PRPF40B: variants seen among roughly 807,000 people sequenced by gnomAD.
PRPF40B encodes pre-mRNA processing factor 40B.
In PRPF40B, 56 loss-of-function variants were observed where a neutral mutation model predicts 124.5. That is an observed-to-expected ratio of 0.45 (90% CI 0.36 to 0.56). The LOEUF (loss-of-function observed/expected upper bound fraction) is 0.56. Among genes scored for constraint, PRPF40B ranks in the 20% least tolerant of loss-of-function variants. The probability of loss-of-function intolerance (pLI) is 0.00; values close to 1 mark genes in which losing one functional copy is unlikely to be tolerated. For synonymous variants in PRPF40B, 443 were observed against 426.4 expected, an observed-to-expected ratio of 1.04 and a Z score of -0.48; for missense variants, 1,053 against 1,169.5, an observed-to-expected ratio of 0.90 and a Z score of 1.45.
chr12:49,641,647 G>GA (rs1386123287), intron 18 of PRPF40B: 7 of 464,536 alleles, frequency 1.5e-5, no homozygotes, highest in Non-Finnish European at 2.7e-5. Flanking sequence ...TTAATTTTGA[G>GA]AAACTCAGCA....
chr12:49,631,913 T>C lies in PRPF40B; in HGVS notation c.282T>C (p.Pro94=). ...CAGGAATGCTGATGCCAGCGGTGCCTGTCACCGCAGCGGTAAGCACTAGGG... is the reference window on the plus strand; with the variant it reads ...CAGGAATGCTGATGCCAGCGGTGCCCGTCACCGCAGCGGTAAGCACTAGGG... ...MMPGMLMPAV[P]VTAATAPGAD... is the part of the protein sequence containing the mutation. Residue 94 remains proline (P), a synonymous_variant, in exon 4 of 26, where the codon CCT becomes CCC. Coordinates refer to ENST00000548825, the MANE Select transcript of PRPF40B (RefSeq NM_001031698.3). This position sits in a 1 kb window ranked among gnomAD's most constrained non-coding sequence, Gnocchi z 4.3. 1 of 1,614,082 alleles carries C rather than the reference T, an allele frequency of 6.2e-7. No individual in the cohort carries two copies. Among genetic ancestry groups the C allele is most frequent in the Non-Finnish European group, 8.5e-7 (1 of 1,179,940 alleles).
intron 18 of PRPF40B, 171 bp downstream of exon 18, chr12:49,637,995 A>G: frequency 1.7e-6 from 1 of 598,332 alleles, no homozygotes; most frequent in Non-Finnish European, 3.0e-6. Flanking sequence ...CACAATTTCT[A>G]CCACAGGAGC....
intron 1 of PRPF40B, among the ~76,000 whole-genome samples, chr12:49,627,904 A>C (rs1477916813): frequency 6.6e-6 from 1 of 152,182 alleles, no homozygotes; most frequent in Non-Finnish European, 1.5e-5. Flanking sequence ...TTGGTGATTT[A>C]TTGGCAAGGA....
chr12:49,643,597 T>G, intron 23 of PRPF40B, 94 bp from the exon 24 acceptor site: 1 of 1,434,656 alleles, frequency 7.0e-7, no homozygotes, highest in Non-Finnish European at 9.5e-7. Flanking sequence ...AGCATGAGGT[T>G]CCTGCCTGTG....
rs555737462 is a variant in PRPF40B at position 49,632,689 on chromosome 12, G to A, written c.322+66G>A. On this transcript the variant is annotated intron_variant, in intron 5 of 25. Transcript: ENST00000548825. The stretch of plus-strand genomic sequence containing the variant: ...TGGGGGGCATAGGGGAGAGGGGACC[G>A]TGGACTGGAGCCCACCCTGGATCAT... The A allele has an allele frequency of 3.1e-5, 49 of 1,600,338 alleles. 1 individual carries two copies. The East Asian group carries it at 4.7e-4, about 15-fold the overall frequency.
chr12:49,632,279 C>T, intron 4 of PRPF40B: 2 of 575,870 alleles, frequency 3.5e-6, no homozygotes, highest in South Asian at 2.3e-5. Flanking sequence ...GCTGTGCCTT[C>T]TTATGCTATC....
rs756620011 is a variant in PRPF40B, at chr12:49,641,887, C to CA, written c.1768-20dup. 52 of 1,607,632 alleles carry CA rather than the reference C, an allele frequency of 3.2e-5. No individual in the cohort carries two copies. In the East Asian group the frequency reaches 1.2e-3, roughly 36 times the overall value. ...CCTCAGGCACGTGGTGCCCCTGCTT[C>CA]ATGCACTGCTGTACCCACAGGACCG... On this transcript the variant is annotated intron_variant, in intron 18 of 25. Coordinates refer to ENST00000548825, the MANE Select transcript of PRPF40B (RefSeq NM_001031698.3).
At position 49,644,498 on chromosome 12, in the gene PRPF40B, G is replaced by A. The variant is rs1943072372; in HGVS notation, c.*306G>A. 1 of 399,392 alleles carries A rather than the reference G, an allele frequency of 2.5e-6. No homozygotes were observed. The highest frequency in any genetic ancestry group is 2.5e-5 in the South Asian group (1 of 40,602). 24.7% of individuals were successfully genotyped at this position (399,392 alleles called of 1,614,324 possible). ...AAGGGGTCTCCAGGGAAGAGTCACAGGCTGTTGGACGCAGCCTGGGTGGCA... is the reference window on the plus strand; with the variant it reads ...AAGGGGTCTCCAGGGAAGAGTCACAAGCTGTTGGACGCAGCCTGGGTGGCA... On this transcript the variant is annotated 3_prime_UTR_variant, in exon 26 of 26. Transcript: ENST00000548825.
At position 49,633,596 on chromosome 12, in the gene PRPF40B, A is replaced by G. The variant is rs199781280; in HGVS notation, c.581-41A>G. ...AGGTCAGGAGCTCTGGGGGCTCCCT[A>G]TTGCCCCTGTGACTGACTGTGTTAT... On this transcript the variant is annotated intron_variant, in intron 8 of 25. Coordinates refer to ENST00000548825, the MANE Select transcript of PRPF40B (RefSeq NM_001031698.3). The G allele has an allele frequency of 2.0e-4, 327 of 1,614,188 alleles. 1 individual carries two copies. In the African/African-American group the frequency reaches 3.7e-3, roughly 18 times the overall value.
Position 49,643,619 on chromosome 12 carries a change from GA to G in PRPF40B, c.2381-71del. ...GGTTCCTGCCTGTGAAGAATGAACAGAGGGGCTAGAACAAAGAAAAAGAGCC... is the reference window on the plus strand; with the variant it reads ...GGTTCCTGCCTGTGAAGAATGAACAGGGGGCTAGAACAAAGAAAAAGAGCC... On this transcript the variant is annotated intron_variant, in intron 23 of 25. Transcript: ENST00000548825. 4.0e-6 allele frequency: 6 copies of G among 1,513,226 alleles called. No individual in the cohort carries two copies. The Middle Eastern group carries it at 5.2e-4, about 132-fold the overall frequency. The allele number at this position is 1,513,226 out of a possible 1,614,324, so 93.7% of individuals were successfully genotyped here.
chr12:49,634,600 C>T lies in PRPF40B; in HGVS notation c.999C>T (p.Tyr333=). 1.9e-6 allele frequency: 3 copies of T among 1,614,138 alleles called. No individual in the cohort carries two copies. The highest frequency in any genetic ancestry group is 1.1e-5 in the South Asian group (1 of 91,092). ...AGATGGTGGTCACCGACCCCCGTTA[C>T]AGGTAGGCCTGGGCAGAGGGAGCCA... ...AMKMVVTDPR[Y]SALPKLSEKK... The change falls in exon 12 of 26, where the codon TAC becomes TAT. Residue 333 remains tyrosine, a splice_region_variant and synonymous_variant. Coordinates refer to ENST00000548825, the MANE Select transcript of PRPF40B (RefSeq NM_001031698.3).
In PRPF40B at chr12:49,643,884, C is replaced by A. The variant is rs532107587; in HGVS notation, c.2466C>A (p.Asp822Glu). The change falls in exon 25 of 26, where the codon GAC becomes GAA. Residue 822 changes from aspartate (D) to glutamate (E), a missense_variant. By Grantham distance (45) the Asp-to-Glu change is conservative. Coordinates refer to ENST00000548825, the MANE Select transcript of PRPF40B (RefSeq NM_001031698.3). ...HKSNSPESET[D>E]PEEKAGKESD... ...AGAATAGTCCTGAGAGTGAGACAGA[C>A]CCTGAGGAGAAAGCTGGCAAGGAGA... 9.9e-5 allele frequency: 160 copies of A among 1,614,070 alleles called. 1 individual carries two copies. In the South Asian group the frequency reaches 1.7e-3, roughly 17 times the overall value.
rs886446302 is a variant in PRPF40B at position 49,644,389 on chromosome 12, C to T, written c.*197C>T. ...GGGTCCCCTACTCCCTGGACTAGTG[C>T]AGTCCTTGCCCTCAGCCCCAGACCA... On this transcript the variant is annotated 3_prime_UTR_variant, in exon 26 of 26. Transcript: ENST00000548825. The T allele has an allele frequency of 1.3e-5, 8 of 620,758 alleles. No individual in the cohort carries two copies. The highest frequency in any genetic ancestry group is 3.7e-5 in the South Asian group (2 of 53,398). 38.5% of individuals were successfully genotyped at this position (620,758 alleles called of 1,614,324 possible).
At chr12:49,625,947 T>C (rs566174826) in intron 1 of PRPF40B, among the ~76,000 whole-genome samples, 1 of 152,236 alleles carries the variant, frequency 6.6e-6, no homozygotes, top group East Asian at 1.9e-4. Flanking sequence ...TTATGTTTAT[T>C]CCATTGTTCT....
chr12:49,641,663 C>T (rs1942670893), intron 18 of PRPF40B: 1 of 494,196 alleles, frequency 2.0e-6, no homozygotes, highest in Admixed American at 3.6e-5. Context: ...CAGCATTAAT[C>T]AGCAGTTGGG....
intron 18 of PRPF40B, chr12:49,639,154 G>A (rs762497372): frequency 6.6e-6 from 1 of 152,116 alleles, no homozygotes; most frequent in Non-Finnish European, 1.5e-5. Context: ...GAGGAACCGG[G>A]GAATGATCAG....
rs1246986831 is a variant in PRPF40B at position 49,644,596 on chromosome 12, T to C, written c.*404T>C. The C allele has an allele frequency of 1.3e-5, 3 of 236,000 alleles. No individual in the cohort carries two copies. The highest frequency in any genetic ancestry group is 2.6e-5 in the Non-Finnish European group (3 of 116,900). The allele number at this position is 236,000 out of a possible 1,614,324, so 14.6% of individuals were successfully genotyped here. A position where few individuals can be genotyped will look rare whatever the true frequency, so the allele number is the denominator to read the frequency against. On this transcript the variant is annotated 3_prime_UTR_variant, in exon 26 of 26. Coordinates refer to ENST00000548825, the MANE Select transcript of PRPF40B (RefSeq NM_001031698.3). ...CCTGGCCCTGAGGCTCCACCACTTCTTCCTCCACCCAGGACCTAATGTACG... is the reference window on the plus strand; with the variant it reads ...CCTGGCCCTGAGGCTCCACCACTTCCTCCTCCACCCAGGACCTAATGTACG...
chr12:49,624,845 CAAA>C (rs74552039), intron 1 of PRPF40B, among the ~76,000 whole-genome samples: 1 of 88,764 alleles, frequency 1.1e-5, no homozygotes. Context: ...AGCTCTGTCT[CAAA>C]AAAAAAAAAA....
At chr12:49,630,929 C>T (rs1224636825) in intron 2 of PRPF40B, among the ~76,000 whole-genome samples, 2 of 152,196 alleles carry the variant, frequency 1.3e-5, no homozygotes, top group African/African-American at 4.8e-5. Context: ...CTATCTCTTT[C>T]ACTACTCCTT....
Sources: allele counts gnomAD v4.1 joint callset (sites outside exome capture counted in the v4.1 genomes callset), GRCh38; gene constraint gnomAD v4.1.1; non-coding constraint Gnocchi (gnomAD v3.1); transcripts MANE v1.5; gene names NCBI Gene and HGNC (gene_info 2026-07-23, HGNC 2026-07-21).